The following NPIPB15 variants were observed in gnomAD, a reference collection of about 807,000 sequenced individuals.
NPIPB15 encodes nuclear pore complex interacting protein family member B15.
In NPIPB15, 5 loss-of-function variants were observed where a neutral mutation model predicts 35.9. That is an observed-to-expected ratio of 0.14 (90% CI 0.07 to 0.29). NPIPB15 has a LOEUF of 0.29. Ranked by LOEUF, NPIPB15 falls within the 10% of genes least tolerant of loss-of-function variation. The pLI is 1.00. For synonymous variants in NPIPB15, 43 were observed against 182.0 expected (o/e 0.24, Z 6.15); for missense variants, 100 against 506.1 (o/e 0.20, Z 7.70).
At chr16:74,379,353 G>T (rs2011856744) in intron 2 of NPIPB15, among the ~76,000 whole-genome samples, 1 of 152,138 alleles carries the variant, frequency 6.6e-6, no homozygotes, top group Non-Finnish European at 1.5e-5. Context: ...CCTGTTGAAG[G>T]GCTATCTCTG....
At chr16:74,384,964 A>C (rs1487231000) in intron 3 of NPIPB15, among the ~76,000 whole-genome samples, 1,541 of 125,450 alleles carry the variant, frequency 0.012, 40 homozygotes, top group African/African-American at 0.046. Flanking sequence ...TACAGGAGTG[A>C]GTCACCGTGC....
chr16:74,391,558 CCTT>C lies in NPIPB15; in HGVS notation c.812_814del (p.Leu271del), dbSNP rs2012549900. The C allele has an allele frequency of 6.2e-7, 1 of 1,613,926 alleles. No homozygotes were observed. The highest frequency in any genetic ancestry group is 1.3e-5 in the African/African-American group (1 of 74,960). ...GCCTCAAGACACCTCCCGAATGTCTCCTTCATCCCCTTCCACCCTCAGTGGATG... is the reference window on the plus strand; with the variant it reads ...GCCTCAAGACACCTCCCGAATGTCTCCATCCCCTTCCACCCTCAGTGGATG... On this transcript the variant is annotated inframe_deletion, in exon 8 of 8. Coordinates refer to ENST00000692376, the MANE Select transcript of NPIPB15 (RefSeq NM_001306094.2).
intron 2 of NPIPB15, among the ~76,000 whole-genome samples, chr16:74,378,796 T>TTTTA (rs1336311717): frequency 2.9e-3 from 438 of 151,298 alleles, no homozygotes; most frequent in African/African-American, 7.3e-3. Flanking sequence ...ATCTACATTA[T>TTTTA]TTTATTTATT....
intron 3 of NPIPB15, among the ~76,000 whole-genome samples, chr16:74,382,567 C>T (rs2012047419): frequency 6.6e-6 from 1 of 152,248 alleles, no homozygotes; most frequent in Non-Finnish European, 1.5e-5. Flanking sequence ...TAAGTTGTGC[C>T]ATAATTTGTC....
chr16:74,381,393 G>C, intron 2 of NPIPB15, 123 bp from the exon 3 acceptor site: 1 of 1,088,304 alleles, frequency 9.2e-7, no homozygotes, highest in Admixed American at 2.7e-5. Flanking sequence ...GAATCCCACG[G>C]TGATATCTGA....
chr16:74,389,377 GTTTTT>G (rs1245416237), intron 5 of NPIPB15, among the ~76,000 whole-genome samples: 3 of 149,986 alleles, frequency 2.0e-5, no homozygotes, highest in Non-Finnish European at 4.4e-5. Context: ...TTTTGTTTTT[GTTTTT>G]GTTTTTCTGA....
intron 5 of NPIPB15, among the ~76,000 whole-genome samples, chr16:74,386,283 C>T (rs71226844): frequency 8.6e-6 from 1 of 116,522 alleles, no homozygotes; most frequent in Admixed American, 9.7e-5. Context: ...CCACACCCAG[C>T]CTTTTTTTTT....
At chr16:74,379,737 G>A (rs1182728849) in intron 2 of NPIPB15, among the ~76,000 whole-genome samples, 12 of 152,230 alleles carry the variant, frequency 7.9e-5, no homozygotes, top group Admixed American at 2.0e-4. Flanking sequence ...CTATAGGCAC[G>A]TGCCACCATG....
chr16:74,388,075 A>C (rs2012368229), intron 5 of NPIPB15: 1 of 981,358 alleles, frequency 1.0e-6, no homozygotes, highest in Non-Finnish European at 1.2e-6. Flanking sequence ...TTTCTAATTC[A>C]ATAGATGCAC....
In NPIPB15 at chr16:74,377,071, T is replaced by C. The variant is rs201019621; in HGVS notation, c.-298T>C. ...TCTACATTTGTTCCTGAGATACAGG[T>C]TGATGGACGGATGGCTACATGGATG... On this transcript the variant is annotated 5_prime_UTR_variant, in exon 1 of 8. Coordinates refer to ENST00000692376, the MANE Select transcript of NPIPB15 (RefSeq NM_001306094.2). 0.047 allele frequency among the ~76,000 whole-genome samples: 6,182 copies of C among 132,244 alleles called. 145 individuals carry two copies. The highest frequency in any genetic ancestry group is 0.077 in the East Asian group (340 of 4,444). The allele number at this position is 132,244 out of a possible 152,430, so 86.8% of individuals were successfully genotyped here.
Position 74,377,140 on chromosome 16 carries a change from T to A in NPIPB15, c.-229T>A, listed in dbSNP as rs2011698882. On this transcript the variant is annotated 5_prime_UTR_variant, in exon 1 of 8. The change abolishes an upstream ATG in the 5' untranslated region. Coordinates refer to ENST00000692376, the MANE Select transcript of NPIPB15 (RefSeq NM_001306094.2). ...ATCGGGACCTTCCGCATCCTGCTGATGTTTTGTTGCTTAGGATATGAATGG... is the reference window on the plus strand; with the variant it reads ...ATCGGGACCTTCCGCATCCTGCTGAAGTTTTGTTGCTTAGGATATGAATGG... Among the ~76,000 whole-genome samples the A allele has an allele frequency of 1.5e-5, 2 of 136,094 alleles. No individual in the cohort carries two copies. Among genetic ancestry groups the A allele is most frequent in the Non-Finnish European group, 3.1e-5 (2 of 63,790 alleles). The allele number at this position is 136,094 out of a possible 152,430, so 89.3% of individuals were successfully genotyped here.
At chr16:74,386,284 CTT>C (rs1179744903) in intron 5 of NPIPB15, among the ~76,000 whole-genome samples, 3 of 106,510 alleles carry the variant, frequency 2.8e-5, no homozygotes, top group East Asian at 3.8e-4. Flanking sequence ...CACACCCAGC[CTT>C]TTTTTTTTTT....
At chr16:74,384,994 TGTGTG>T (rs1567414353) in intron 3 of NPIPB15, among the ~76,000 whole-genome samples, 13 of 24,272 alleles carry the variant, frequency 5.4e-4, no homozygotes, top group East Asian at 3.6e-3. Context: ...GTCATTCTTG[TGTGTG>T]TGTGTGTGTG....
intron 3 of NPIPB15, among the ~76,000 whole-genome samples, chr16:74,384,991 T>TG (rs2012188885): frequency 5.3e-5 from 5 of 93,482 alleles, no homozygotes; most frequent in Non-Finnish European, 1.0e-4. Flanking sequence ...CATGTCATTC[T>TG]TGTGTGTGTG....
intron 5 of NPIPB15, among the ~76,000 whole-genome samples, chr16:74,387,481 G>A (rs1275036680): frequency 4.9e-4 from 72 of 146,870 alleles, no homozygotes; most frequent in African/African-American, 1.7e-3. Context: ...TCTGTTTGGT[G>A]TCCCCCATTG....
At chr16:74,380,865 G>T (rs2011950019) in intron 2 of NPIPB15, among the ~76,000 whole-genome samples, 1 of 152,172 alleles carries the variant, frequency 6.6e-6, no homozygotes, top group Non-Finnish European at 1.5e-5. Context: ...AAAAAAAATG[G>T]CTGGGCACGG....
rs1186582416 is a variant in NPIPB15 at position 74,384,668 on chromosome 16, A to ATTTTTTTT, written c.250-652_250-645dup. 1.0e-3 allele frequency among the ~76,000 whole-genome samples: 64 copies of ATTTTTTTT among 61,576 alleles called. 10 individuals carry two copies. Among genetic ancestry groups the ATTTTTTTT allele is most frequent in the Middle Eastern group, 0.013 (1 of 76 alleles). The allele number at this position is 61,576 out of a possible 152,430, so 40.4% of individuals were successfully genotyped here. ...AGGCGTGAGCTACCGCACCTGGCCT[A>ATTTTTTTT]TTTTTTTTTTTTTTTTTTTTTTTTT... On this transcript the variant is annotated intron_variant, in intron 3 of 7. Transcript: ENST00000692376.
chr16:74,381,255 A>C (rs2011975678), intron 2 of NPIPB15: 1 of 605,886 alleles, frequency 1.7e-6, no homozygotes, highest in Non-Finnish European at 2.8e-6. Context: ...TAGGCAGGGA[A>C]GTGAAAAGAT....
chr16:74,378,647 C>T (rs1263062890), intron 2 of NPIPB15, among the ~76,000 whole-genome samples: 3 of 150,044 alleles, frequency 2.0e-5, no homozygotes, highest in Non-Finnish European at 4.5e-5. Context: ...CTCTTGACCT[C>T]GTGATCCGCC....
Sources: allele counts gnomAD v4.1 joint callset (sites outside exome capture counted in the v4.1 genomes callset), GRCh38; gene constraint gnomAD v4.1.1; transcripts MANE v1.5; gene names NCBI Gene and HGNC (gene_info 2026-07-23, HGNC 2026-07-21).